The following WNT7A variants were observed in gnomAD, a reference collection of about 807,000 sequenced individuals.
WNT7A encodes the protein Wnt family member 7A, also known as protein Wnt-7a.
WNT7A carries 16 observed loss-of-function variants against 28.2 expected under a neutral mutation model. The observed-to-expected ratio is 0.57, with a 90% CI of 0.38 to 0.86. The LOEUF is 0.86. WNT7A is among the 40% of genes least tolerant of loss of function. The pLI is 0.00. For synonymous variants in WNT7A, 190 were observed against 195.9 expected, an observed-to-expected ratio of 0.97 and a Z score of 0.25; for missense variants, 411 against 489.7, an observed-to-expected ratio of 0.84 and a Z score of 1.52.
At chr3:13,865,330 C>T (rs532719048) in intron 2 of WNT7A, among the ~76,000 whole-genome samples, 5 of 152,298 alleles carry the variant, frequency 3.3e-5, no homozygotes, top group South Asian at 4.1e-4. Context: ...GGGCAGCTGG[C>T]AGTAGGCGGC....
In WNT7A at chr3:13,852,475, G is replaced by A. The variant is rs536547776; in HGVS notation, c.570+2057C>T. ...GGTCCCATGCCTTTGAGTAAATGGC[G>A]TGTTGCAAAATCCTGGGGAACTGAC... On this transcript the variant is annotated intron_variant, in intron 3 of 3. Transcript: ENST00000285018. 1.7e-4 allele frequency among the ~76,000 whole-genome samples: 26 copies of A among 152,300 alleles called. No homozygotes were observed. In the South Asian group the frequency reaches 3.3e-3, roughly 19 times the overall value.
intron 2 of WNT7A, among the ~76,000 whole-genome samples, chr3:13,856,893 A>AAGAAGAAGAAGAAGAAGAAG (rs1694742752): frequency 1.4e-5 from 1 of 73,290 alleles, no homozygotes. Flanking sequence ...AGAAGAAGAA[A>AAGAAGAAGAAGAAGAAGAAG]AAGAAGAAGA....
At chr3:13,843,841 G>A (rs1694498887) in intron 3 of WNT7A, among the ~76,000 whole-genome samples, 1 of 151,876 alleles carries the variant, frequency 6.6e-6, no homozygotes, top group African/African-American at 2.4e-5. Context: ...CTGCCTCCTG[G>A]GTTCAATTGA....
intron 1 of WNT7A, among the ~76,000 whole-genome samples, chr3:13,877,646 C>CT (rs1292225874): frequency 1.3e-5 from 2 of 152,196 alleles, no homozygotes; most frequent in African/African-American, 4.8e-5. Flanking sequence ...TTCCTTCCCT[C>CT]TGCACTTCAG....
At chr3:13,850,698 C>T (rs1322561952) in intron 3 of WNT7A, among the ~76,000 whole-genome samples, 3 of 152,020 alleles carry the variant, frequency 2.0e-5, no homozygotes, top group East Asian at 3.9e-4. Context: ...CCCAGGCCCC[C>T]GGAGCTCCCT....
intron 3 of WNT7A, among the ~76,000 whole-genome samples, chr3:13,843,802 A>G (rs909086910): frequency 1.3e-4 from 20 of 150,492 alleles, no homozygotes; most frequent in African/African-American, 4.7e-4. Flanking sequence ...GCTGGAGTGC[A>G]GTGGTGCAAT....
chr3:13,817,625 C>T lies in WNT7A; in HGVS notation c.*1319G>A, dbSNP rs986346878. The T allele has an allele frequency of 6.6e-6, 1 of 152,540 alleles. No individual in the cohort carries two copies. Among genetic ancestry groups the T allele is most frequent in the East Asian group, 1.9e-4 (1 of 5,174 alleles). 9.4% of individuals were successfully genotyped at this position (152,540 alleles called of 1,614,324 possible). A position where few individuals can be genotyped will look rare whatever the true frequency, so the allele number is the denominator to read the frequency against. ...CCTTGGGAGCAGGATATCCAGGAAG[C>T]CCCGCTGGGCCCGGCTGCTCATCGG... is the stretch of plus-strand genomic sequence containing the variant. On this transcript the variant is annotated 3_prime_UTR_variant, in exon 4 of 4. Transcript: ENST00000285018.
intron 3 of WNT7A, among the ~76,000 whole-genome samples, chr3:13,820,305 G>C (rs1015901347): frequency 2.0e-5 from 3 of 152,198 alleles, no homozygotes; most frequent in East Asian, 3.9e-4. Context: ...GGGTAAGTGA[G>C]TGGACATTTA....
chr3:13,821,091 C>T (rs952526017), intron 3 of WNT7A, among the ~76,000 whole-genome samples: 1 of 152,232 alleles, frequency 6.6e-6, no homozygotes, highest in African/African-American at 2.4e-5. Context: ...GGGATAGTTC[C>T]CAAATCTCCA....
intron 2 of WNT7A, among the ~76,000 whole-genome samples, chr3:13,864,212 G>T (rs1454812030): frequency 2.6e-5 from 4 of 152,156 alleles, no homozygotes; most frequent in Non-Finnish European, 1.5e-5. Context: ...CAAAGAATTT[G>T]ATTATCTTCC....
intron 3 of WNT7A, among the ~76,000 whole-genome samples, chr3:13,821,974 C>A (rs113323342): frequency 6.6e-6 from 1 of 152,190 alleles, no homozygotes; most frequent in East Asian, 1.9e-4. Context: ...CAATCAATGG[C>A]CAACAAGCAC....
chr3:13,818,760 C>A lies in WNT7A; in HGVS notation c.*184G>T, dbSNP rs912865292. On this transcript the variant is annotated 3_prime_UTR_variant, in exon 4 of 4. Transcript: ENST00000285018. ...GGGTGGAGCAGCATTGGGTGTGGAA[C>A]AGAATAGTTGAGGGCTCTGAGAGAT... The A allele has an allele frequency of 3.2e-6, 3 of 926,376 alleles. No individual in the cohort carries two copies. The African/African-American group carries it at 5.0e-5, about 15-fold the overall frequency. 57.4% of individuals were successfully genotyped at this position (926,376 alleles called of 1,614,324 possible). A position where few individuals can be genotyped will look rare whatever the true frequency, so the allele number is the denominator to read the frequency against.
intron 2 of WNT7A, among the ~76,000 whole-genome samples, chr3:13,858,709 A>T (rs1315564430): frequency 6.6e-6 from 1 of 152,092 alleles, no homozygotes; most frequent in Non-Finnish European, 1.5e-5. Flanking sequence ...TGTAGTCAAG[A>T]CACCGATGAG....
chr3:13,868,612 G>GAA (rs1559307024), intron 2 of WNT7A, among the ~76,000 whole-genome samples: 2 of 14,068 alleles, frequency 1.4e-4, no homozygotes, highest in African/African-American at 2.7e-4. Flanking sequence ...GAAAGAAAGA[G>GAA]AGAGAGAGAG....
intron 2 of WNT7A, among the ~76,000 whole-genome samples, chr3:13,857,142 T>C (rs1003418671): frequency 5.3e-5 from 8 of 152,218 alleles, no homozygotes; most frequent in East Asian, 3.9e-4. Context: ...CTTTGCTGCA[T>C]GAAATCAAGA....
intron 2 of WNT7A, among the ~76,000 whole-genome samples, chr3:13,858,695 A>C (rs1283267326): frequency 6.6e-6 from 1 of 152,170 alleles, no homozygotes; most frequent in Non-Finnish European, 1.5e-5. Flanking sequence ...TGACAAGCGA[A>C]GGCTGTAGTC....
At chr3:13,848,562 T>A (rs538449945) in intron 3 of WNT7A, among the ~76,000 whole-genome samples, 1 of 152,110 alleles carries the variant, frequency 6.6e-6, no homozygotes, top group African/African-American at 2.4e-5. Flanking sequence ...GGCAAAAAAA[T>A]TTTAAAAACA....
chr3:13,856,485 G>A (rs768762934), intron 2 of WNT7A, among the ~76,000 whole-genome samples: 18 of 152,146 alleles, frequency 1.2e-4, no homozygotes, highest in Non-Finnish European at 2.1e-4. Context: ...TACCGGGCTC[G>A]CAACTCTCTG....
intron 2 of WNT7A, among the ~76,000 whole-genome samples, chr3:13,868,757 G>GA (rs1299756553): frequency 4.4e-5 from 6 of 135,952 alleles, no homozygotes; most frequent in African/African-American, 1.9e-4. Flanking sequence ...AAGAAAGGAG[G>GA]GAAGGGAAGG....
Sources: gnomAD v4.1 joint callset for allele counts (sites outside exome capture counted in the v4.1 genomes callset) on GRCh38, gnomAD v4.1.1 for gene constraint, MANE v1.5 for transcripts, NCBI Gene and HGNC (gene_info 2026-07-23, HGNC 2026-07-21) for gene names.